DNAJC12: variants seen among roughly 807,000 people sequenced by gnomAD.
The protein encoded by DNAJC12 is dnaJ homolog subfamily C member 12.
Under a neutral mutation model 28.5 loss-of-function variants are expected in DNAJC12, and 25 were observed. The ratio of observed to expected loss-of-function variants is 0.88; its 90% CI spans 0.64 to 1.22. DNAJC12 has a LOEUF of 1.22. Ranked by LOEUF, DNAJC12 falls within the 50% of genes most tolerant of loss-of-function variation. The pLI, the probability that DNAJC12 is intolerant of heterozygous loss-of-function variation, is 0.00. For missense variants in DNAJC12, 222 were observed against 231.7 expected, an observed-to-expected ratio of 0.96 and a Z score of 0.27; for synonymous variants, 77 against 80.6, an observed-to-expected ratio of 0.95 and a Z score of 0.24.
At chr10:67,820,777 CTTTTTTTT>C (rs71006170) in intron 2 of DNAJC12, among the ~76,000 whole-genome samples, 42 of 68,546 alleles carry the variant, frequency 6.1e-4, no homozygotes, top group Admixed American at 2.0e-3. Context: ...TTCTTTTTTC[CTTTTTTTT>C]TTTTTTTTTT....
Position 67,805,799 on chromosome 10 carries a change from T to C in DNAJC12, c.298-12A>G. Reference sequence around the variant, plus strand: ...ACCCAGTGCATTGACTAAATTAATGTAAAGCAGAGATATAAAAATTAAATT... The same window carrying C: ...ACCCAGTGCATTGACTAAATTAATGCAAAGCAGAGATATAAAAATTAAATT... On this transcript the variant is annotated splice_polypyrimidine_tract_variant and intron_variant, in intron 3 of 4. Coordinates refer to ENST00000225171, the MANE Select transcript of DNAJC12 (RefSeq NM_021800.3). 6.5e-7 allele frequency: 1 copy of C among 1,542,046 alleles called. No homozygotes were observed. The highest frequency in any genetic ancestry group is 8.7e-7 in the Non-Finnish European group (1 of 1,151,084).
Position 67,798,041 on chromosome 10 carries a change from G to GAAAA in DNAJC12, c.503-835_503-832dup, listed in dbSNP as rs1186393477. Among the ~76,000 whole-genome samples, 214 of 101,392 alleles carry GAAAA rather than the reference G, an allele frequency of 2.1e-3. 1 individual carries two copies. The highest frequency in any genetic ancestry group is 6.4e-3 in the African/African-American group (199 of 30,868). 66.5% of individuals were successfully genotyped at this position (101,392 alleles called of 152,430 possible). A position where few individuals can be genotyped will look rare whatever the true frequency, so the allele number is the denominator to read the frequency against. ...GGCGACAGAGCGAGATTCTGTCTCA[G>GAAAA]AAAAAAAAAAAAAAAAAGTATAAAC... On this transcript the variant is annotated intron_variant, in intron 4 of 4. Coordinates refer to ENST00000225171, the MANE Select transcript of DNAJC12 (RefSeq NM_021800.3).
chr10:67,829,406 C>G (rs567763701), intron 1 of DNAJC12, among the ~76,000 whole-genome samples: 2 of 152,052 alleles, frequency 1.3e-5, no homozygotes, highest in East Asian at 1.9e-4. Flanking sequence ...TTGGGGAGGC[C>G]GAGGCGGGTG....
chr10:67,816,543 CTTTT>C (rs367769639), intron 2 of DNAJC12, among the ~76,000 whole-genome samples: 6 of 88,234 alleles, frequency 6.8e-5, no homozygotes, highest in Non-Finnish European at 1.1e-4. Flanking sequence ...AGTTTACTTT[CTTTT>C]TTTTTTTTTT....
chr10:67,821,826 AAC>A (rs770636052), intron 2 of DNAJC12, among the ~76,000 whole-genome samples: 4 of 152,196 alleles, frequency 2.6e-5, no homozygotes, highest in Non-Finnish European at 5.9e-5. Flanking sequence ...AAGGTAAATC[AAC>A]AGTGTTTGGC....
chr10:67,808,518 C>T (rs528186635), intron 3 of DNAJC12: 1 of 152,182 alleles, frequency 6.6e-6, no homozygotes, highest in Non-Finnish European at 1.5e-5. Context: ...GTCTCAGCAG[C>T]ACATATACCA....
intron 1 of DNAJC12, among the ~76,000 whole-genome samples, chr10:67,827,366 G>T (rs1046003160): frequency 6.7e-6 from 1 of 149,166 alleles, no homozygotes; most frequent in African/African-American, 2.5e-5. Flanking sequence ...TAGCCTGGGT[G>T]GCAGAGCAGG....
intron 4 of DNAJC12, among the ~76,000 whole-genome samples, chr10:67,801,813 A>T (rs1589601926): frequency 1.2e-5 from 1 of 85,456 alleles, no homozygotes. Flanking sequence ...AAGAACAATG[A>T]TTCCCATCCC....
intron 4 of DNAJC12, among the ~76,000 whole-genome samples, chr10:67,799,893 G>GAAAAA (rs1841723501): frequency 2.4e-5 from 1 of 41,716 alleles, no homozygotes; most frequent in Non-Finnish European, 6.4e-5. Flanking sequence ...AAAAAAAAAT[G>GAAAAA]TAGTTTCTAG....
intron 4 of DNAJC12, among the ~76,000 whole-genome samples, chr10:67,804,351 A>G (rs1841778090): frequency 6.6e-6 from 1 of 152,118 alleles, no homozygotes; most frequent in South Asian, 2.1e-4. Context: ...ATAAGAAGGT[A>G]CTATTTTTTA....
chr10:67,807,232 G>A (rs1841811673), intron 3 of DNAJC12, among the ~76,000 whole-genome samples: 1 of 152,054 alleles, frequency 6.6e-6, no homozygotes, highest in Admixed American at 6.6e-5. Flanking sequence ...CTGCACTCCA[G>A]CCTGGGTGAC....
chr10:67,838,110 T>C lies in DNAJC12; in HGVS notation c.-99A>G, dbSNP rs144364298. The C allele has an allele frequency of 2.6e-6, 2 of 762,442 alleles. No individual in the cohort carries two copies. The highest frequency in any genetic ancestry group is 1.8e-5 in the African/African-American group (1 of 56,474). 47.2% of individuals were successfully genotyped at this position (762,442 alleles called of 1,614,324 possible). On this transcript the variant is annotated 5_prime_UTR_variant, in exon 1 of 5. An upstream start codon of the reference 5' UTR is lost. Coordinates refer to ENST00000225171, the MANE Select transcript of DNAJC12 (RefSeq NM_021800.3). ...TCTTTAAATCTGAATTAGAGCAGCATGTTCCACATAGCAAAAACTAGCTTT... is the reference window on the plus strand; with the variant it reads ...TCTTTAAATCTGAATTAGAGCAGCACGTTCCACATAGCAAAAACTAGCTTT...
At chr10:67,829,534 C>T (rs1842071894) in intron 1 of DNAJC12, among the ~76,000 whole-genome samples, 1 of 151,752 alleles carries the variant, frequency 6.6e-6, no homozygotes. Context: ...CCAGCTACTC[C>T]GGAGGCTGAG....
chr10:67,816,272 G>A (rs1368348060), intron 2 of DNAJC12: 23 of 390,132 alleles, frequency 5.9e-5, no homozygotes, highest in Non-Finnish European at 9.9e-5. Flanking sequence ...AAAAAATCTG[G>A]AAGAAAATAT....
intron 2 of DNAJC12, among the ~76,000 whole-genome samples, chr10:67,819,994 T>C (rs1841967510): frequency 6.6e-6 from 1 of 152,202 alleles, no homozygotes; most frequent in South Asian, 2.1e-4. Flanking sequence ...CACAGTCTAC[T>C]GCCTGACGTA....
At chr10:67,829,363 G>C (rs368354660) in intron 1 of DNAJC12, among the ~76,000 whole-genome samples, 4 of 152,296 alleles carry the variant, frequency 2.6e-5, no homozygotes, top group African/African-American at 9.6e-5. Context: ...CTGTCAGGCC[G>C]GGTGCGGTGG....
chr10:67,811,354 T>G, intron 3 of DNAJC12, 170 bp downstream of exon 3: 1 of 1,460,712 alleles, frequency 6.8e-7, no homozygotes, highest in Non-Finnish European at 9.0e-7. Context: ...GCCTTTATTC[T>G]GATGAGCTTC....
intron 3 of DNAJC12, among the ~76,000 whole-genome samples, chr10:67,808,932 C>T (rs1017673297): frequency 2.0e-5 from 3 of 152,168 alleles, no homozygotes; most frequent in Non-Finnish European, 2.9e-5. Flanking sequence ...GTGTAGGAAG[C>T]TTTCTGGATA....
At chr10:67,812,561 A>C (rs1028739341) in intron 2 of DNAJC12, among the ~76,000 whole-genome samples, 1 of 152,102 alleles carries the variant, frequency 6.6e-6, no homozygotes, top group Admixed American at 6.6e-5. Context: ...ATTTATATAC[A>C]GGCCGGGTGC....
Sources: allele counts gnomAD v4.1 joint callset (sites outside exome capture counted in the v4.1 genomes callset), GRCh38; gene constraint gnomAD v4.1.1; transcripts MANE v1.5; gene names NCBI Gene and HGNC (gene_info 2026-07-23, HGNC 2026-07-21).